The following KIAA1549L variants were observed in gnomAD, a reference collection of about 807,000 sequenced individuals.
The protein encoded by KIAA1549L is UPF0606 protein KIAA1549L.
A neutral mutation model predicts 160.7 loss-of-function variants in KIAA1549L; 88 were observed. That is an observed-to-expected ratio of 0.55 (90% CI 0.46 to 0.65). The LOEUF is 0.65. Among genes scored for constraint, KIAA1549L ranks in the 30% least tolerant of loss-of-function variants. The pLI is 0.00. For missense variants in KIAA1549L, 2,258 were observed against 2,437.5 expected, an observed-to-expected ratio of 0.93 and a Z score of 1.55; for synonymous variants, 950 against 976.7, an observed-to-expected ratio of 0.97 and a Z score of 0.51.
chr11:33,548,663 G>A (rs1001610755), intron 4 of KIAA1549L, among the ~76,000 whole-genome samples: 3 of 152,190 alleles, frequency 2.0e-5, no homozygotes, highest in Non-Finnish European at 1.5e-5. Context: ...TTAATGCCAA[G>A]TACTGTTTAA....
Position 33,544,047 on chromosome 11 carries a change from C to CATTCT in KIAA1549L, c.2484_2485insATTCT (p.Val829IlefsTer20). On this transcript the variant is annotated frameshift_variant, in exon 2 of 21. Transcript: ENST00000658780. LOFTEE classifies it high-confidence loss of function. Reference sequence around the variant, plus strand: ...ATTACTCACCCACAACTCGACATTCCGTGTCTCATCCTCAGCTACAGTTGC... The same window carrying CATTCT: ...ATTACTCACCCACAACTCGACATTCCATTCTGTGTCTCATCCTCAGCTACAGTTGC... 2.5e-6 allele frequency: 4 copies of CATTCT among 1,613,914 alleles called. No individual in the cohort carries two copies. Among genetic ancestry groups the CATTCT allele is most frequent in the Non-Finnish European group, 3.4e-6 (4 of 1,179,882 alleles).
At chr11:33,614,564 ATATATATATATATATATATATTTT>A (rs1564924842) in intron 15 of KIAA1549L, among the ~76,000 whole-genome samples, 4 of 13,480 alleles carry the variant, frequency 3.0e-4, no homozygotes, top group African/African-American at 2.7e-3. Context: ...ATATATATAT[ATATATATATATATATATATATTTT>A]TTTTTTTTTT....
chr11:33,409,989 T>A (rs1850755620), intron 1 of KIAA1549L, among the ~76,000 whole-genome samples: 1 of 152,194 alleles, frequency 6.6e-6, no homozygotes, highest in African/African-American at 2.4e-5. Flanking sequence ...TTTTCTGACG[T>A]TTCTCTGTGT....
chr11:33,390,602 GC>G (rs1850254807), intron 1 of KIAA1549L, among the ~76,000 whole-genome samples: 1 of 152,208 alleles, frequency 6.6e-6, no homozygotes, highest in African/African-American at 2.4e-5. Context: ...AGGAGAAGGG[GC>G]ACATGGTATA....
At chr11:33,397,708 TCTCACACA>T (rs1358775904) in intron 1 of KIAA1549L, among the ~76,000 whole-genome samples, 193 of 98,950 alleles carry the variant, frequency 2.0e-3, no homozygotes, top group African/African-American at 6.7e-3. Context: ...CGAGACTCCA[TCTCACACA>T]CACACACACA....
At chr11:33,387,606 C>CA (rs144239791) in intron 1 of KIAA1549L, among the ~76,000 whole-genome samples, 3,381 of 152,206 alleles carry the variant, frequency 0.022, 118 homozygotes, top group African/African-American at 0.077. Context: ...ATTCCTGGCC[C>CA]ATTTTCTCAT....
At chr11:33,497,048 C>T (rs990825820) in intron 1 of KIAA1549L, among the ~76,000 whole-genome samples, 12 of 152,232 alleles carry the variant, frequency 7.9e-5, no homozygotes, top group South Asian at 2.1e-4. Context: ...ACCACTCACA[C>T]GGTAGCTCCA....
intron 16 of KIAA1549L, among the ~76,000 whole-genome samples, chr11:33,633,413 G>A (rs1851355618): frequency 6.6e-6 from 1 of 152,018 alleles, no homozygotes; most frequent in Non-Finnish European, 1.5e-5. Context: ...AGAGGTTCAT[G>A]TTTTAGACAC....
chr11:33,589,632 A>G (rs1359732994), intron 11 of KIAA1549L, among the ~76,000 whole-genome samples: 1 of 152,120 alleles, frequency 6.6e-6, no homozygotes, highest in African/African-American at 2.4e-5. Flanking sequence ...GAAGCTGGAA[A>G]CCATCATTCT....
At chr11:33,400,961 A>G (rs1400393935) in intron 1 of KIAA1549L, among the ~76,000 whole-genome samples, 2 of 152,076 alleles carry the variant, frequency 1.3e-5, no homozygotes, top group African/African-American at 4.8e-5. Flanking sequence ...TTCTGAACCC[A>G]AGGCCTGTGC....
At chr11:33,402,441 C>G (rs559411364) in intron 1 of KIAA1549L, among the ~76,000 whole-genome samples, 1 of 152,164 alleles carries the variant, frequency 6.6e-6, no homozygotes, top group Admixed American at 6.6e-5. Context: ...TATTTCTGGT[C>G]GCCTTGTGGT....
At chr11:33,393,566 G>C (rs1850311899) in intron 1 of KIAA1549L, among the ~76,000 whole-genome samples, 1 of 152,210 alleles carries the variant, frequency 6.6e-6, no homozygotes, top group South Asian at 2.1e-4. Flanking sequence ...AAGAAACAAT[G>C]AGCTAAGTAC....
At chr11:33,650,824 A>G (rs371750340) in intron 17 of KIAA1549L, among the ~76,000 whole-genome samples, 56 of 152,268 alleles carry the variant, frequency 3.7e-4, no homozygotes, top group African/African-American at 1.1e-3. Flanking sequence ...GTCTACTTCC[A>G]TACCACCATA....
intron 18 of KIAA1549L, among the ~76,000 whole-genome samples, chr11:33,657,982 G>A (rs1296400965): frequency 6.6e-6 from 1 of 152,134 alleles, no homozygotes; most frequent in African/African-American, 2.4e-5. Context: ...CTAATTTTAG[G>A]GGAGCCTGAA....
At chr11:33,585,545 A>G (rs1174431615) in intron 11 of KIAA1549L, among the ~76,000 whole-genome samples, 1 of 152,184 alleles carries the variant, frequency 6.6e-6, no homozygotes, top group Non-Finnish European at 1.5e-5. Context: ...AAAAATAAAA[A>G]GAGTGTGTAT....
chr11:33,396,160 T>A (rs542076624), intron 1 of KIAA1549L, among the ~76,000 whole-genome samples: 2 of 152,270 alleles, frequency 1.3e-5, no homozygotes, highest in East Asian at 3.9e-4. Context: ...GCACCCATGT[T>A]CCGGGCAGCA....
intron 16 of KIAA1549L, among the ~76,000 whole-genome samples, chr11:33,639,674 G>A (rs1432944942): frequency 6.6e-6 from 1 of 152,120 alleles, no homozygotes; most frequent in East Asian, 1.9e-4. Context: ...GGAGTAGCTG[G>A]GATCACAGGC....
chr11:33,597,592 G>C (rs748657437), intron 12 of KIAA1549L, among the ~76,000 whole-genome samples: 5 of 152,226 alleles, frequency 3.3e-5, no homozygotes, highest in African/African-American at 7.2e-5. Context: ...GTCTCCCACA[G>C]TGGGGAGGCA....
intron 1 of KIAA1549L, among the ~76,000 whole-genome samples, chr11:33,452,123 C>T (rs934121882): frequency 6.6e-6 from 1 of 152,124 alleles, no homozygotes; most frequent in Non-Finnish European, 1.5e-5. Context: ...CAACCCCCTC[C>T]CCCACCAAAA....
Sources: gnomAD v4.1 joint callset for allele counts (sites outside exome capture counted in the v4.1 genomes callset) on GRCh38, gnomAD v4.1.1 for gene constraint, MANE v1.5 for transcripts, NCBI Gene and HGNC (gene_info 2026-07-23, HGNC 2026-07-21) for gene names.